Variants in LRRC7 observed in about 807,000 individuals in gnomAD.
LRRC7 encodes leucine rich repeat containing 7.
A neutral mutation model predicts 175.7 loss-of-function variants in LRRC7; 23 were observed. The ratio of observed to expected loss-of-function variants is 0.13; its 90% CI spans 0.09 to 0.19. LRRC7 has a LOEUF of 0.19. Among genes scored for constraint, LRRC7 ranks in the 10% least tolerant of loss-of-function variants. The pLI is 1.00. For synonymous variants in LRRC7, 685 were observed against 680.9 expected (o/e 1.01, Z -0.09); for missense variants, 1,354 against 1,904.7 (o/e 0.71, Z 5.38).
intron 7 of LRRC7, among the ~76,000 whole-genome samples, chr1:69,916,867 A>C (rs1157541819): frequency 1.3e-5 from 2 of 152,160 alleles, no homozygotes; most frequent in Non-Finnish European, 2.9e-5. Context: ...TGGTGTTAAT[A>C]AGAAAATAAA....
intron 4 of LRRC7, among the ~76,000 whole-genome samples, chr1:69,794,248 G>T (rs1569917551): frequency 1.3e-5 from 2 of 149,252 alleles, no homozygotes; most frequent in Admixed American, 1.3e-4. Context: ...TTCAGGAAGA[G>T]TTCAAGTAAA....
intron 8 of LRRC7, among the ~76,000 whole-genome samples, chr1:69,947,845 A>G (rs966319770): frequency 1.3e-5 from 2 of 152,192 alleles, no homozygotes; most frequent in African/African-American, 4.8e-5. Flanking sequence ...AAAGACTAAC[A>G]GCAATAACTA....
chr1:70,100,634 T>C (rs760681814), intron 25 of LRRC7, among the ~76,000 whole-genome samples: 6 of 152,148 alleles, frequency 3.9e-5, no homozygotes, highest in Non-Finnish European at 7.4e-5. Context: ...AAAATTTTTG[T>C]TAAACTTTTA....
At chr1:70,068,764 A>T (rs60383564) in intron 23 of LRRC7, among the ~76,000 whole-genome samples, 23,304 of 152,028 alleles carry the variant, frequency 0.15, 2,851 homozygotes, top group African/African-American at 0.33. Context: ...TTGCCTAGGC[A>T]GGATTGCAGT....
At chr1:70,018,628 C>T (rs1171338821) in intron 14 of LRRC7, 91 bp from the exon 15 acceptor site, 22 of 678,870 alleles carry the variant, frequency 3.2e-5, no homozygotes, top group Non-Finnish European at 5.0e-5. Context: ...ACTTTTTCCC[C>T]CCAATGTTTA....
At chr1:70,076,344 G>A (rs776809745) in intron 24 of LRRC7, 46 bp downstream of exon 24, 1 of 1,572,408 alleles carries the variant, frequency 6.4e-7, no homozygotes, top group Non-Finnish European at 8.7e-7. Context: ...GGTAAGAAAA[G>A]TCCAAAGAAT....
At chr1:69,683,140 T>G (rs1266185533) in intron 2 of LRRC7, among the ~76,000 whole-genome samples, 4 of 152,182 alleles carry the variant, frequency 2.6e-5, no homozygotes, top group Admixed American at 2.0e-4. Context: ...GTTTTCTGTC[T>G]GAATGAGTGG....
intron 8 of LRRC7, among the ~76,000 whole-genome samples, chr1:69,970,131 G>A (rs914362443): frequency 5.3e-5 from 8 of 152,010 alleles, no homozygotes; most frequent in Middle Eastern, 3.4e-3. Flanking sequence ...CAGCAAAGGC[G>A]GTGCTAAGAG....
intron 5 of LRRC7, among the ~76,000 whole-genome samples, chr1:69,834,217 A>C (rs894564343): frequency 2.0e-5 from 3 of 152,172 alleles, no homozygotes; most frequent in African/African-American, 7.2e-5. Context: ...AATATGAATT[A>C]GACCAATTTG....
At chr1:69,815,698 G>A (rs1201266936) in intron 4 of LRRC7, among the ~76,000 whole-genome samples, 1 of 152,064 alleles carries the variant, frequency 6.6e-6, no homozygotes, top group Non-Finnish European at 1.5e-5. Flanking sequence ...TCTGTTCAGG[G>A]GGCTATAACA....
At chr1:69,668,302 C>T (rs1401569787) in intron 1 of LRRC7, among the ~76,000 whole-genome samples, 1 of 152,044 alleles carries the variant, frequency 6.6e-6, no homozygotes, top group African/African-American at 2.4e-5. Context: ...CCTAGCCCCC[C>T]ATCCCCCGAC....
At chr1:69,574,259 T>G (rs1263494831) in intron 1 of LRRC7, among the ~76,000 whole-genome samples, 1 of 152,134 alleles carries the variant, frequency 6.6e-6, no homozygotes, top group Non-Finnish European at 1.5e-5. Flanking sequence ...ACTATCATTA[T>G]CATCATGAAA....
At chr1:69,901,450 C>A (rs917700512) in intron 7 of LRRC7, among the ~76,000 whole-genome samples, 2 of 105,862 alleles carry the variant, frequency 1.9e-5, no homozygotes, top group Non-Finnish European at 4.1e-5. Context: ...GAACTCCTCC[C>A]TTTTCTTATG....
intron 26 of LRRC7, among the ~76,000 whole-genome samples, chr1:70,109,932 T>C (rs1665408154): frequency 6.6e-6 from 1 of 152,202 alleles, no homozygotes; most frequent in African/African-American, 2.4e-5. Context: ...TGAAGCTGGG[T>C]AGAGAAGTAT....
intron 4 of LRRC7, among the ~76,000 whole-genome samples, chr1:69,812,312 T>A (rs958364632): frequency 1.4e-4 from 22 of 152,236 alleles, no homozygotes; most frequent in African/African-American, 4.1e-4. Flanking sequence ...TATGATAGCG[T>A]TTGAAATAAG....
At chr1:69,821,631 C>T (rs1174112476) in intron 4 of LRRC7, among the ~76,000 whole-genome samples, 10 of 152,056 alleles carry the variant, frequency 6.6e-5, no homozygotes, top group Non-Finnish European at 5.9e-5. Context: ...TGGTGGCTCT[C>T]GCCTGTAATC....
chr1:70,091,215 C>T (rs1664005746), intron 25 of LRRC7, among the ~76,000 whole-genome samples: 1 of 152,082 alleles, frequency 6.6e-6, no homozygotes, highest in South Asian at 2.1e-4. Context: ...TGATTTATTA[C>T]AATTAAAATA....
intron 2 of LRRC7, among the ~76,000 whole-genome samples, chr1:69,718,128 A>AGAAAAGAAAGAG (rs1553146102): frequency 1.5e-5 from 1 of 67,800 alleles, no homozygotes; most frequent in African/African-American, 9.8e-5. Flanking sequence ...AAAGAAAGAA[A>AGAAAAGAAAGAG]AGAAAGAAAG....
At chr1:69,981,582 C>A (rs1653436566) in intron 9 of LRRC7, among the ~76,000 whole-genome samples, 1 of 152,058 alleles carries the variant, frequency 6.6e-6, no homozygotes, top group Non-Finnish European at 1.5e-5. Flanking sequence ...ATAATACATT[C>A]AATGACCTTG....
Sources: gnomAD v4.1 joint callset for allele counts (sites outside exome capture counted in the v4.1 genomes callset) on GRCh38, gnomAD v4.1.1 for gene constraint, MANE v1.5 for transcripts, NCBI Gene and HGNC (gene_info 2026-07-23, HGNC 2026-07-21) for gene names.